The following DCLK2 variants were observed in gnomAD, a reference collection of about 807,000 sequenced individuals.
DCLK2 encodes the protein doublecortin like kinase 2.
Under a neutral mutation model 78.4 loss-of-function variants are expected in DCLK2, and 31 were observed. The ratio of observed to expected loss-of-function variants is 0.40; its 90% CI spans 0.30 to 0.53. DCLK2 has a LOEUF of 0.53. Among genes scored for constraint, DCLK2 ranks in the 20% least tolerant of loss-of-function variants. DCLK2 has a pLI of 0.61. For synonymous variants in DCLK2, 407 were observed against 374.9 expected (o/e 1.09, Z -0.99); for missense variants, 872 against 973.7 (o/e 0.90, Z 1.39).
Position 150,100,829 on chromosome 4 carries a change from C to T in DCLK2, c.422-1649C>T, listed in dbSNP as rs141299696. 6.1e-4 allele frequency among the ~76,000 whole-genome samples: 93 copies of T among 152,262 alleles called. 1 individual carries two copies. In the East Asian group the frequency reaches 6.7e-3, roughly 11 times the overall value. ...CCTACAGAGATGAAAAATCTCTAAA[C>T]GGTGGTGGTTGGGCTAGATTTCACT... On this transcript the variant is annotated intron_variant, in intron 1 of 15. Transcript: ENST00000296550.
At chr4:150,220,673 T>C in intron 5 of DCLK2, 30 bp from the exon 6 acceptor site, 2 of 1,576,674 alleles carry the variant, frequency 1.3e-6, no homozygotes, top group Middle Eastern at 1.7e-4. Flanking sequence ...TAAATTATCC[T>C]GATAAATAAT....
At chr4:150,181,633 G>A (rs1021084753) in intron 2 of DCLK2, among the ~76,000 whole-genome samples, 2 of 149,684 alleles carry the variant, frequency 1.3e-5, no homozygotes, top group African/African-American at 4.9e-5. Context: ...TTATTTTTTA[G>A]GAAGCAAACC....
intron 12 of DCLK2, among the ~76,000 whole-genome samples, chr4:150,241,666 A>C (rs771759716): frequency 2.6e-5 from 4 of 152,186 alleles, no homozygotes; most frequent in Admixed American, 6.5e-5. Flanking sequence ...GTGGCTTATA[A>C]ACACCAGAAA....
At chr4:150,254,119 G>A (rs112434444) in intron 15 of DCLK2, among the ~76,000 whole-genome samples, 25 of 152,298 alleles carry the variant, frequency 1.6e-4, no homozygotes, top group Non-Finnish European at 2.8e-4. Context: ...CGGGGGGCTC[G>A]CCCCAGTTGC....
Position 150,231,246 on chromosome 4 carries a change from G to A in DCLK2, c.1300-1091G>A, listed in dbSNP as rs1742035274. On this transcript the variant is annotated intron_variant, in intron 8 of 15. Coordinates refer to ENST00000296550, the MANE Select transcript of DCLK2 (RefSeq NM_001040260.4). ...CCTTACACAGCTACTAACAAACAGTGACTAGATTCCTAGTAAATGTTGGTT... is the reference window on the plus strand; with the variant it reads ...CCTTACACAGCTACTAACAAACAGTAACTAGATTCCTAGTAAATGTTGGTT... 1.3e-5 allele frequency among the ~76,000 whole-genome samples: 2 copies of A among 152,178 alleles called. 1 individual carries two copies. The highest frequency in any genetic ancestry group is 4.1e-4 in the South Asian group (2 of 4,826).
intron 2 of DCLK2, among the ~76,000 whole-genome samples, chr4:150,125,660 C>T (rs564975340): frequency 6.6e-6 from 1 of 152,188 alleles, no homozygotes; most frequent in African/African-American, 2.4e-5. Context: ...GAGGCTGAAG[C>T]AGGTGGATCA....
intron 2 of DCLK2, among the ~76,000 whole-genome samples, chr4:150,168,958 A>C (rs1736304228): frequency 6.6e-6 from 1 of 152,132 alleles, no homozygotes; most frequent in South Asian, 2.1e-4. Context: ...AGATGTTATG[A>C]GCAGTCCATC....
chr4:150,152,529 G>A (rs1580605942), intron 2 of DCLK2, among the ~76,000 whole-genome samples: 2 of 152,130 alleles, frequency 1.3e-5, no homozygotes, highest in Non-Finnish European at 2.9e-5. Flanking sequence ...TGATCTGCCC[G>A]CCTCAGCCTC....
chr4:150,130,553 A>G (rs186250838), intron 2 of DCLK2, among the ~76,000 whole-genome samples: 2 of 152,258 alleles, frequency 1.3e-5, no homozygotes, highest in Non-Finnish European at 1.5e-5. Context: ...ATGTGAGGAC[A>G]TAGTAGGAAA....
At chr4:150,246,643 C>T (rs1743332554) in intron 12 of DCLK2, among the ~76,000 whole-genome samples, 1 of 149,692 alleles carries the variant, frequency 6.7e-6, no homozygotes, top group African/African-American at 2.5e-5. Flanking sequence ...ACTAGTGATG[C>T]TGTTCCTCAC....
chr4:150,198,159 G>C (rs1367356902), intron 4 of DCLK2, 56 bp downstream of exon 4: 2 of 1,476,596 alleles, frequency 1.4e-6, no homozygotes, highest in East Asian at 2.4e-5. Context: ...TTTTCCTTCT[G>C]TTTTCTCTAA....
intron 1 of DCLK2, among the ~76,000 whole-genome samples, chr4:150,101,642 A>G (rs1226737657): frequency 6.6e-6 from 1 of 152,128 alleles, no homozygotes; most frequent in East Asian, 1.9e-4. Flanking sequence ...TGGTATCTCA[A>G]CATATAATTT....
intron 2 of DCLK2, among the ~76,000 whole-genome samples, chr4:150,171,460 G>A (rs1483716863): frequency 2.6e-5 from 4 of 152,128 alleles, no homozygotes; most frequent in Non-Finnish European, 5.9e-5. Flanking sequence ...CAGCCTGGGC[G>A]ACAGAGCGAG....
intron 2 of DCLK2, among the ~76,000 whole-genome samples, chr4:150,111,931 A>T (rs1731726384): frequency 6.6e-6 from 1 of 152,084 alleles, no homozygotes; most frequent in Admixed American, 6.6e-5. Flanking sequence ...TTTGCTTAGG[A>T]TTGCTTTGGC....
chr4:150,227,581 T>C (rs1432446312), intron 8 of DCLK2, among the ~76,000 whole-genome samples: 3 of 152,218 alleles, frequency 2.0e-5, no homozygotes, highest in South Asian at 4.1e-4. Context: ...AGAAAGCACG[T>C]TGGGCCCTTC....
intron 2 of DCLK2, among the ~76,000 whole-genome samples, chr4:150,130,465 A>C (rs1210702216): frequency 6.6e-6 from 1 of 152,084 alleles, no homozygotes; most frequent in Admixed American, 6.6e-5. Context: ...GTACACGAAC[A>C]TGCATGCACG....
At chr4:150,143,093 G>A (rs1023249917) in intron 2 of DCLK2, among the ~76,000 whole-genome samples, 3 of 152,148 alleles carry the variant, frequency 2.0e-5, no homozygotes, top group African/African-American at 7.2e-5. Flanking sequence ...CTCTATCCAT[G>A]TGGCTGCAAA....
intron 2 of DCLK2, among the ~76,000 whole-genome samples, chr4:150,113,179 C>T (rs988289652): frequency 2.2e-4 from 34 of 151,964 alleles, no homozygotes; most frequent in African/African-American, 7.5e-4. Flanking sequence ...CATCTGTGTT[C>T]GTCAGGGATA....
At chr4:150,196,902 C>A (rs576070478) in intron 3 of DCLK2, among the ~76,000 whole-genome samples, 1 of 152,066 alleles carries the variant, frequency 6.6e-6, no homozygotes, top group Non-Finnish European at 1.5e-5. Flanking sequence ...GCCTGTAATC[C>A]CATCATTTTG....
Sources: gnomAD v4.1 joint callset for allele counts (sites outside exome capture counted in the v4.1 genomes callset) on GRCh38, gnomAD v4.1.1 for gene constraint, MANE v1.5 for transcripts, NCBI Gene and HGNC (gene_info 2026-07-23, HGNC 2026-07-21) for gene names.